The following SH3PXD2B variants were observed in gnomAD, a reference collection of about 807,000 sequenced individuals.
SH3PXD2B encodes the protein SH3 and PX domain-containing protein 2B.
A neutral mutation model predicts 73.1 loss-of-function variants in SH3PXD2B; 37 were observed. The ratio of observed to expected loss-of-function variants is 0.51; its 90% CI spans 0.39 to 0.67. SH3PXD2B has a LOEUF of 0.67. SH3PXD2B is among the 30% of genes least tolerant of loss of function. The probability of loss-of-function intolerance (pLI) is 0.00; values close to 1 mark genes in which losing one functional copy is unlikely to be tolerated. For synonymous variants in SH3PXD2B, 457 were observed against 480.5 expected (o/e 0.95, Z 0.64); for missense variants, 1,053 against 1,197.8 (o/e 0.88, Z 1.78).
At chr5:172,433,265 TA>T (rs1237823945) in intron 1 of SH3PXD2B, among the ~76,000 whole-genome samples, 1 of 152,094 alleles carries the variant, frequency 6.6e-6, no homozygotes, top group Non-Finnish European at 1.5e-5. Context: ...TAGGTTTGTG[TA>T]AGTACACACT....
rs1382165385 is a variant in SH3PXD2B, at chr5:172,335,142, G to C, written c.*3227C>G. 6 of 988,238 alleles carry C rather than the reference G, an allele frequency of 6.1e-6. No individual in the cohort carries two copies. Among genetic ancestry groups the C allele is most frequent in the Middle Eastern group, 5.2e-4 (1 of 1,926 alleles). 61.2% of individuals were successfully genotyped at this position (988,238 alleles called of 1,614,324 possible). On this transcript the variant is annotated 3_prime_UTR_variant, in exon 13 of 13. Coordinates refer to ENST00000311601, the MANE Select transcript of SH3PXD2B (RefSeq NM_001017995.3). ...TATCAAGAGGTGGTCTTAGACTCAG[G>C]GTTTTCCAAATTTTTGGAGGTACCG...
chr5:172,339,920 C>G lies in SH3PXD2B; in HGVS notation c.1189-4G>C. The G allele has an allele frequency of 1.9e-6, 3 of 1,614,220 alleles. No individual in the cohort carries two copies. The highest frequency in any genetic ancestry group is 2.5e-6 in the Non-Finnish European group (3 of 1,180,032). On this transcript the variant is annotated splice_region_variant and splice_polypyrimidine_tract_variant and intron_variant, in intron 12 of 12. Transcript: ENST00000311601. This position sits in a 1 kb window ranked among gnomAD's most constrained non-coding sequence, Gnocchi z 6.1. ...CACTCAAGTTTTTCTCGATCACCTG[C>G]AAGGGAGGATAGAGAAAGGCACTTG...
At chr5:172,387,908 T>C (rs999831179) in intron 4 of SH3PXD2B, among the ~76,000 whole-genome samples, 3 of 151,284 alleles carry the variant, frequency 2.0e-5, no homozygotes, top group Admixed American at 2.0e-4. Flanking sequence ...CCTAAAACAT[T>C]TTGTAATATT....
intron 3 of SH3PXD2B, among the ~76,000 whole-genome samples, chr5:172,405,074 A>G (rs570534893): frequency 6.6e-6 from 1 of 152,376 alleles, no homozygotes; most frequent in East Asian, 1.9e-4. Flanking sequence ...TACTTGAAGC[A>G]GTAACACTGG....
intron 9 of SH3PXD2B, among the ~76,000 whole-genome samples, chr5:172,351,754 C>G (rs1486972527): frequency 1.3e-5 from 2 of 150,460 alleles, no homozygotes; most frequent in African/African-American, 4.9e-5. Flanking sequence ...AATTTAAGAA[C>G]TAAATAGCAT....
Position 172,334,987 on chromosome 5 carries a change from C to G in SH3PXD2B, c.*3382G>C, listed in dbSNP as rs1173882128. 1.0e-6 allele frequency: 1 copy of G among 985,342 alleles called. No homozygotes were observed. The highest frequency in any genetic ancestry group is 1.2e-6 in the Non-Finnish European group (1 of 829,966). The allele number at this position is 985,342 out of a possible 1,614,324, so 61.0% of individuals were successfully genotyped here. A position where few individuals can be genotyped will look rare whatever the true frequency, so the allele number is the denominator to read the frequency against. On this transcript the variant is annotated 3_prime_UTR_variant, in exon 13 of 13. Coordinates refer to ENST00000311601, the MANE Select transcript of SH3PXD2B (RefSeq NM_001017995.3). Reference sequence around the variant, plus strand: ...ACCTGGCATGGGCTCCAGCGATCCCCCAGTAGGGAAGGGCCATTAAAAGCG... The same window carrying G: ...ACCTGGCATGGGCTCCAGCGATCCCGCAGTAGGGAAGGGCCATTAAAAGCG...
intron 6 of SH3PXD2B, 126 bp downstream of exon 6, chr5:172,373,664 G>C: frequency 1.8e-6 from 2 of 1,087,792 alleles, no homozygotes; most frequent in Non-Finnish European, 2.7e-6. Context: ...CCTCCCTCCT[G>C]CCAACCATCC....
At chr5:172,372,788 G>C (rs920167432) in intron 6 of SH3PXD2B, among the ~76,000 whole-genome samples, 1 of 152,042 alleles carries the variant, frequency 6.6e-6, no homozygotes, top group African/African-American at 2.4e-5. Flanking sequence ...ATCTCTGTTC[G>C]CACCCCTGAT....
intron 7 of SH3PXD2B, among the ~76,000 whole-genome samples, chr5:172,359,869 G>C (rs1200236077): frequency 6.6e-6 from 1 of 152,206 alleles, no homozygotes; most frequent in Non-Finnish European, 1.5e-5. Context: ...TCCTTAATAT[G>C]CAAGAAGGAG....
intron 1 of SH3PXD2B, among the ~76,000 whole-genome samples, chr5:172,451,910 C>G (rs922915305): frequency 6.6e-6 from 1 of 152,192 alleles, no homozygotes; most frequent in Admixed American, 6.5e-5. Context: ...AGCCCATTGC[C>G]CCTCCTCATC....
At chr5:172,358,993 T>C (rs1469630957) in intron 7 of SH3PXD2B, 116 bp from the exon 8 acceptor site, 8 of 968,960 alleles carry the variant, frequency 8.3e-6, no homozygotes, top group Non-Finnish European at 1.3e-5. Flanking sequence ...AGGCTAAAGT[T>C]ACCATTTTAT....
chr5:172,439,702 A>G (rs868388886), intron 1 of SH3PXD2B, among the ~76,000 whole-genome samples: 227 of 142,590 alleles, frequency 1.6e-3, no homozygotes, highest in African/African-American at 5.4e-3. Flanking sequence ...GCACACACAC[A>G]CACACACACA....
rs572601751 is a variant in SH3PXD2B at position 172,380,249 on chromosome 5, C to G, written c.401+1787G>C. 2.6e-5 allele frequency among the ~76,000 whole-genome samples: 4 copies of G among 152,044 alleles called. No individual in the cohort carries two copies. In the East Asian group the frequency reaches 7.7e-4, roughly 29 times the overall value. On this transcript the variant is annotated intron_variant, in intron 5 of 12. Transcript: ENST00000311601. The stretch of plus-strand genomic sequence containing the variant: ...ATTTTTTTTTTATTTTTAGTAGAGA[C>G]AGGATCTGACTATGTTGCTCAGGCT...
intron 7 of SH3PXD2B, among the ~76,000 whole-genome samples, chr5:172,360,539 A>G (rs1199210120): frequency 1.3e-5 from 2 of 152,174 alleles, no homozygotes; most frequent in African/African-American, 4.8e-5. Flanking sequence ...AATTTAAAAT[A>G]TGTGTGTCCT....
intron 2 of SH3PXD2B, 119 bp downstream of exon 2, chr5:172,422,297 G>C: frequency 1.1e-6 from 1 of 951,854 alleles, no homozygotes; most frequent in Admixed American, 2.0e-5. Context: ...GCCCAGCCAT[G>C]GATGTCATTT....
chr5:172,359,309 C>T (rs956672997), intron 7 of SH3PXD2B, among the ~76,000 whole-genome samples: 1 of 142,068 alleles, frequency 7.0e-6, no homozygotes, highest in Non-Finnish European at 1.5e-5. Context: ...ATCACCTGAG[C>T]CCAGGAGGTC....
At chr5:172,399,213 T>C (rs1348024400) in intron 3 of SH3PXD2B, among the ~76,000 whole-genome samples, 1 of 152,208 alleles carries the variant, frequency 6.6e-6, no homozygotes, top group Non-Finnish European at 1.5e-5. Context: ...TTTGATTTTA[T>C]AAAAATGACA....
intron 1 of SH3PXD2B, among the ~76,000 whole-genome samples, chr5:172,437,389 A>G (rs1387567798): frequency 1.3e-5 from 2 of 152,220 alleles, no homozygotes; most frequent in East Asian, 3.9e-4. Flanking sequence ...ATTTCCCAAC[A>G]CCCCAGGGCA....
chr5:172,340,026 C>G, intron 12 of SH3PXD2B, 110 bp from the exon 13 acceptor site: 1 of 1,552,796 alleles, frequency 6.4e-7, no homozygotes. Context: ...TCACTGTGTA[C>G]TCAGCAGCTC....
Sources: allele counts gnomAD v4.1 joint callset (sites outside exome capture counted in the v4.1 genomes callset), GRCh38; gene constraint gnomAD v4.1.1; non-coding constraint Gnocchi (gnomAD v3.1); transcripts MANE v1.5; gene names NCBI Gene and HGNC (gene_info 2026-07-23, HGNC 2026-07-21).